Variants in CDH18 observed in about 807,000 individuals in gnomAD.
CDH18 encodes cadherin-18.
A neutral mutation model predicts 67.9 loss-of-function variants in CDH18; 31 were observed. The ratio of observed to expected loss-of-function variants is 0.46; its 90% CI spans 0.34 to 0.62. The LOEUF (loss-of-function observed/expected upper bound fraction) is 0.62. Among genes scored for constraint, CDH18 ranks in the 20% least tolerant of loss-of-function variants. CDH18 has a pLI of 0.01. For missense variants in CDH18, 890 were observed against 975.5 expected, an observed-to-expected ratio of 0.91 and a Z score of 1.17; for synonymous variants, 362 against 347.2, an observed-to-expected ratio of 1.04 and a Z score of -0.48.
chr5:20,129,326 G>A (rs991554511), intron 2 of CDH18, among the ~76,000 whole-genome samples: 3 of 151,792 alleles, frequency 2.0e-5, no homozygotes, highest in South Asian at 2.1e-4. Context: ...GCTAATTTCT[G>A]CCCCTAGGTT....
At chr5:20,569,711 C>A (rs1339234358) in intron 1 of CDH18, among the ~76,000 whole-genome samples, 2 of 152,134 alleles carry the variant, frequency 1.3e-5, no homozygotes, top group African/African-American at 2.4e-5. Context: ...TACATATACA[C>A]AAAAGACTGA....
chr5:19,665,058 A>C (rs564147705), intron 5 of CDH18, among the ~76,000 whole-genome samples: 1 of 152,160 alleles, frequency 6.6e-6, no homozygotes, highest in Non-Finnish European at 1.5e-5. Flanking sequence ...AATTGTCAAC[A>C]TAATTATAAA....
At chr5:19,871,639 G>A (rs1786306697) in intron 2 of CDH18, among the ~76,000 whole-genome samples, 1 of 152,082 alleles carries the variant, frequency 6.6e-6, no homozygotes, top group Non-Finnish European at 1.5e-5. Flanking sequence ...ATAAGGATAA[G>A]TCGGCTTCAT....
At chr5:20,138,902 T>C (rs1033551756) in intron 2 of CDH18, among the ~76,000 whole-genome samples, 1 of 152,082 alleles carries the variant, frequency 6.6e-6, no homozygotes, top group Non-Finnish European at 1.5e-5. Context: ...AGGTAATTTA[T>C]AGATTCAATG....
rs558546182 is a variant in CDH18 at position 20,133,469 on chromosome 5, A to C, written c.-518+121975T>G. On this transcript the variant is annotated intron_variant, in intron 2 of 14. Transcript: ENST00000507958. ...CCTCCCACTGGATCCCTCCCATGAC[A>C]GGTGGAGATTATGGGAGCTACAATT... Among the ~76,000 whole-genome samples the C allele has an allele frequency of 1.5e-3, 234 of 152,288 alleles. 2 individuals carry two copies. The highest frequency in any genetic ancestry group is 5.3e-3 in the African/African-American group (221 of 41,566).
chr5:19,839,448 G>A (rs1782030004), intron 2 of CDH18, among the ~76,000 whole-genome samples: 1 of 152,038 alleles, frequency 6.6e-6, no homozygotes, highest in South Asian at 2.1e-4. Context: ...AATTCTCAAT[G>A]ACAAATATAT....
At chr5:20,433,086 G>A (rs972572255) in intron 1 of CDH18, among the ~76,000 whole-genome samples, 1 of 150,588 alleles carries the variant, frequency 6.6e-6, no homozygotes, top group African/African-American at 2.4e-5. Context: ...CGGATTAGCC[G>A]AGGTCAATAG....
intron 1 of CDH18, among the ~76,000 whole-genome samples, chr5:20,553,487 G>T (rs1757748669): frequency 6.6e-6 from 1 of 152,050 alleles, no homozygotes; most frequent in South Asian, 2.1e-4. Context: ...GCTAATTATA[G>T]AATATATAAT....
At chr5:19,798,740 T>A (rs2149838814) in intron 3 of CDH18, among the ~76,000 whole-genome samples, 1 of 152,180 alleles carries the variant, frequency 6.6e-6, no homozygotes, top group Non-Finnish European at 1.5e-5. Flanking sequence ...AGCTTAGTGT[T>A]TTTATTCCGC....
intron 5 of CDH18, among the ~76,000 whole-genome samples, chr5:19,626,657 GC>G (rs758931662): frequency 3.2e-4 from 48 of 151,532 alleles, no homozygotes; most frequent in Admixed American, 3.9e-4. Context: ...GAAAATTGCT[GC>G]CCTCACAACA....
At chr5:20,238,148 G>A (rs1375126274) in intron 2 of CDH18, among the ~76,000 whole-genome samples, 1 of 151,812 alleles carries the variant, frequency 6.6e-6, no homozygotes, top group Non-Finnish European at 1.5e-5. Flanking sequence ...AAACATAAAT[G>A]GAAAACCTAC....
chr5:20,415,038 A>G (rs1747170366), intron 1 of CDH18, among the ~76,000 whole-genome samples: 1 of 152,228 alleles, frequency 6.6e-6, no homozygotes, highest in Non-Finnish European at 1.5e-5. Flanking sequence ...TAACATGTTA[A>G]TTGCAGCAGT....
At chr5:19,776,239 A>C (rs193203005) in intron 3 of CDH18, among the ~76,000 whole-genome samples, 13 of 152,296 alleles carry the variant, frequency 8.5e-5, no homozygotes, top group African/African-American at 2.9e-4. Flanking sequence ...AATTGTTAGG[A>C]TCTAAGGAGG....
intron 5 of CDH18, among the ~76,000 whole-genome samples, chr5:19,629,939 A>T (rs1393120837): frequency 6.6e-6 from 1 of 151,868 alleles, no homozygotes; most frequent in African/African-American, 2.4e-5. Flanking sequence ...ATTTTTATTT[A>T]TTTATTTATT....
At chr5:20,263,599 T>A (rs1234550001) in intron 1 of CDH18, among the ~76,000 whole-genome samples, 1 of 152,128 alleles carries the variant, frequency 6.6e-6, no homozygotes, top group Admixed American at 6.6e-5. Context: ...AAAAAATGAT[T>A]GATGCATGGG....
intron 12 of CDH18, among the ~76,000 whole-genome samples, chr5:19,478,275 C>G (rs143692329): frequency 6.6e-6 from 1 of 152,204 alleles, no homozygotes; most frequent in East Asian, 1.9e-4. Flanking sequence ...GCTTGCATAG[C>G]AGAATTTTTT....
At chr5:20,299,630 ATG>A (rs1156505282) in intron 1 of CDH18, among the ~76,000 whole-genome samples, 2 of 151,742 alleles carry the variant, frequency 1.3e-5, no homozygotes, top group African/African-American at 4.8e-5. Context: ...GTGGTGGTGC[ATG>A]CCTGTAGTCC....
chr5:19,960,690 C>G (rs369870673), intron 2 of CDH18, among the ~76,000 whole-genome samples: 1 of 128,802 alleles, frequency 7.8e-6, no homozygotes, highest in Non-Finnish European at 1.5e-5. Flanking sequence ...TATACATATA[C>G]ACGTGTATAT....
At chr5:19,785,388 C>T (rs528241674) in intron 3 of CDH18, among the ~76,000 whole-genome samples, 1 of 151,448 alleles carries the variant, frequency 6.6e-6, no homozygotes, top group Admixed American at 6.6e-5. Flanking sequence ...CGCGGTGGCT[C>T]ATACCTGCAA....
Sources: gnomAD v4.1 joint callset for allele counts (sites outside exome capture counted in the v4.1 genomes callset) on GRCh38, gnomAD v4.1.1 for gene constraint, MANE v1.5 for transcripts, NCBI Gene and HGNC (gene_info 2026-07-23, HGNC 2026-07-21) for gene names.